The following ZNF676 variants were observed in gnomAD, a reference collection of about 807,000 sequenced individuals.
ZNF676 encodes zinc finger protein 676.
In ZNF676, 4 loss-of-function variants were observed where a neutral mutation model predicts 6.0. The observed-to-expected ratio is 0.67, with a 90% CI of 0.33 to 1.53. The LOEUF (loss-of-function observed/expected upper bound fraction) is 1.53, where lower values mean the gene tolerates loss of function less well. Among genes scored for constraint, ZNF676 ranks in the 40% most tolerant of loss-of-function variants. ZNF676 has a pLI of 0.06. For synonymous variants in ZNF676, 198 were observed against 223.1 expected (o/e 0.89, Z 1.00); for missense variants, 644 against 679.7 (o/e 0.95, Z 0.58).
At chr19:22,246,569 T>C in the ZNF676 span, among the ~76,000 whole-genome samples, 2 of 152,134 alleles carry the variant, frequency 1.3e-5, no homozygotes, top group African/African-American at 4.8e-5. Context: ...ATGTCACAAC[T>C]ACCCTAGGTG....
chr19:22,253,292 T>C, the ZNF676 span, among the ~76,000 whole-genome samples: 1 of 151,128 alleles, frequency 6.6e-6, no homozygotes, highest in African/African-American at 2.4e-5. Flanking sequence ...ATCGCACCTC[T>C]ATACCATGCT....
chr19:22,252,376 C>G, the ZNF676 span, among the ~76,000 whole-genome samples: 1 of 128,006 alleles, frequency 7.8e-6, no homozygotes, highest in African/African-American at 2.9e-5. Context: ...GCCTGGGCAA[C>G]AGAGTGAGAC....
upstream of ZNF676, among the ~76,000 whole-genome samples, chr19:22,199,304 T>C (rs1233078194): frequency 2.0e-5 from 3 of 152,218 alleles, no homozygotes; most frequent in Non-Finnish European, 4.4e-5. Context: ...AGAACACAGA[T>C]ACTTCTGGTA....
chr19:22,210,843 C>T (rs111457095), intron 1 of ZNF676, among the ~76,000 whole-genome samples: 3,665 of 152,246 alleles, frequency 0.024, 142 homozygotes, highest in African/African-American at 0.084. Context: ...GTCCGAGCCA[C>T]CATACAACCT....
intron 2 of ZNF676, among the ~76,000 whole-genome samples, chr19:22,188,776 C>T (rs1286723312): frequency 1.3e-5 from 2 of 151,990 alleles, no homozygotes; most frequent in Non-Finnish European, 2.9e-5. Context: ...GAATAAAATA[C>T]CTAGGAATAC....
chr19:22,225,607 A>T, the ZNF676 span, among the ~76,000 whole-genome samples: 1 of 152,160 alleles, frequency 6.6e-6, no homozygotes, highest in Non-Finnish European at 1.5e-5. Flanking sequence ...TCACCAATAG[A>T]TCTGGTTTTC....
the ZNF676 span, among the ~76,000 whole-genome samples, chr19:22,233,496 A>G: frequency 6.6e-6 from 1 of 152,180 alleles, no homozygotes; most frequent in Non-Finnish European, 1.5e-5. Context: ...TGTCTTTGCT[A>G]GAGATTCTGG....
the ZNF676 span, among the ~76,000 whole-genome samples, chr19:22,227,903 AT>A: frequency 5.3e-5 from 8 of 152,206 alleles, no homozygotes; most frequent in Non-Finnish European, 1.2e-4. Flanking sequence ...GACCAGACAG[AT>A]TCACAGCCAT....
intron 2 of ZNF676, among the ~76,000 whole-genome samples, chr19:22,191,014 C>T (rs143796725): frequency 0.012 from 1,803 of 152,096 alleles, 21 homozygotes; most frequent in Middle Eastern, 0.024. Context: ...CAGTCATCCA[C>T]GACAAAAATG....
the ZNF676 span, among the ~76,000 whole-genome samples, chr19:22,235,013 AAAGAAAGAAAG>A: frequency 2.6e-5 from 3 of 117,298 alleles, no homozygotes; most frequent in Admixed American, 8.9e-5. Context: ...AGAAAGAAAG[AAAGAAAGAAAG>A]AAAGAAAGAA....
At chr19:22,186,944 A>C (rs1176113881) in intron 2 of ZNF676, among the ~76,000 whole-genome samples, 1 of 152,178 alleles carries the variant, frequency 6.6e-6, no homozygotes, top group East Asian at 1.9e-4. Context: ...GGAGACTTTA[A>C]CACCCCACTG....
At chr19:22,182,585 T>TAAAAAAAAAAAAAAA (rs67699215) in intron 2 of ZNF676, among the ~76,000 whole-genome samples, 138 of 44,860 alleles carry the variant, frequency 3.1e-3, no homozygotes, top group Middle Eastern at 0.026. Context: ...GTCAAAGTTC[T>TAAAAAAAAAAAAAAA]AAAAAAAAAA....
chr19:22,215,501 C>T (rs1392529875), intron 1 of ZNF676: 2 of 1,064,842 alleles, frequency 1.9e-6, no homozygotes, highest in East Asian at 5.3e-5. Context: ...CTGAAGGGGA[C>T]TGAGGTCGAG....
chr19:22,252,282 C>T, the ZNF676 span, among the ~76,000 whole-genome samples: 7 of 151,912 alleles, frequency 4.6e-5, no homozygotes, highest in Non-Finnish European at 8.8e-5. Flanking sequence ...GTAATCCCAG[C>T]TTCTCATGAG....
At position 22,181,311 on chromosome 19, in the gene ZNF676, T is replaced by C. The variant is rs2023746006; in HGVS notation, c.406A>G (p.Thr136Ala). The change falls in exon 3 of 3, where the codon ACT becomes GCT. Residue 136 changes from threonine to alanine, a missense_variant. By Grantham distance (58) the Thr-to-Ala change is moderately conservative. Around this residue, in one of 5 missense-constraint regions of ZNF676, gnomAD observed 280 missense variants for 269.3 expected, o/e 1.04. Coordinates refer to ENST00000397121, the MANE Select transcript of ZNF676 (RefSeq NM_001001411.3). ...TTACATTTCAAACCTTTCTCTCCAGTATGCCTTATCTTATGTCTGTTTGAA... is the reference window on the plus strand; with the variant it reads ...TTACATTTCAAACCTTTCTCTCCAGCATGCCTTATCTTATGTCTGTTTGAA... ...SNSNRHKIRH[T>A]GEKGLKCKEY... The C allele has an allele frequency of 6.2e-7, 1 of 1,613,816 alleles. No individual in the cohort carries two copies. The highest frequency in any genetic ancestry group is 8.5e-7 in the Non-Finnish European group (1 of 1,179,794).
At chr19:22,194,495 T>C (rs549513870) in intron 1 of ZNF676, among the ~76,000 whole-genome samples, 2 of 152,212 alleles carry the variant, frequency 1.3e-5, no homozygotes, top group East Asian at 3.9e-4. Context: ...GAGCCAAGGT[T>C]CAAACCCTAA....
At chr19:22,249,941 C>T in the ZNF676 span, among the ~76,000 whole-genome samples, 1 of 151,814 alleles carries the variant, frequency 6.6e-6, no homozygotes, top group African/African-American at 2.4e-5. Flanking sequence ...CCCAGCACTT[C>T]AGGAGCCAAG....
At chr19:22,256,479 G>A in the ZNF676 span, among the ~76,000 whole-genome samples, 4 of 152,122 alleles carry the variant, frequency 2.6e-5, no homozygotes, top group Non-Finnish European at 5.9e-5. Flanking sequence ...CAAGGTTCAG[G>A]CAAAAGAAAC....
chr19:22,212,189 GATT>G (rs1248807836), intron 1 of ZNF676, among the ~76,000 whole-genome samples: 2 of 110,084 alleles, frequency 1.8e-5, no homozygotes, highest in African/African-American at 7.4e-5. Context: ...GACAGAGCGA[GATT>G]CTGTCTCAAA....
Sources: gnomAD v4.1 joint callset for allele counts (sites outside exome capture counted in the v4.1 genomes callset) on GRCh38, gnomAD v4.1.1 for gene constraint, gnomAD v4.1.1 regional missense constraint, MANE v1.5 for transcripts, NCBI Gene and HGNC (gene_info 2026-07-23, HGNC 2026-07-21) for gene names.